The following CXADR variants were observed in gnomAD, a reference collection of about 807,000 sequenced individuals.
CXADR encodes coxsackievirus and adenovirus receptor.
CXADR carries 20 observed loss-of-function variants against 40.3 expected under a neutral mutation model. The ratio of observed to expected loss-of-function variants is 0.50; its 90% CI spans 0.35 to 0.72. The LOEUF (loss-of-function observed/expected upper bound fraction) is 0.72, where lower values mean the gene tolerates loss of function less well. Ranked by LOEUF, CXADR falls within the 30% of genes least tolerant of loss-of-function variation. CXADR has a pLI of 0.01. For synonymous variants in CXADR, 150 were observed against 161.3 expected, an observed-to-expected ratio of 0.93 and a Z score of 0.53; for missense variants, 332 against 449.1, an observed-to-expected ratio of 0.74 and a Z score of 2.36.
intron 1 of CXADR, among the ~76,000 whole-genome samples, chr21:17,513,401 G>C (rs2060417072): frequency 6.6e-6 from 1 of 152,056 alleles, no homozygotes; most frequent in Non-Finnish European, 1.5e-5. Context: ...CCCGGGGACG[G>C]AGCCCTCGGC....
chr21:17,620,586 ACAC>A, the CXADR span, among the ~76,000 whole-genome samples: 1 of 152,198 alleles, frequency 6.6e-6, no homozygotes, highest in East Asian at 1.9e-4. Flanking sequence ...TGATGCTTAA[ACAC>A]TTGCTTGACA....
the CXADR span, among the ~76,000 whole-genome samples, chr21:17,611,350 G>T: frequency 6.6e-6 from 1 of 152,242 alleles, no homozygotes; most frequent in East Asian, 1.9e-4. Context: ...TGCCAACTAT[G>T]TGCCACATAT....
chr21:17,620,670 A>G, the CXADR span, among the ~76,000 whole-genome samples: 1 of 152,226 alleles, frequency 6.6e-6, no homozygotes, highest in Admixed American at 6.5e-5. Flanking sequence ...GTGAAGGGCA[A>G]TAAAGCTAGA....
downstream of CXADR, among the ~76,000 whole-genome samples, chr21:17,574,998 C>CACATACAT (rs1555875111): frequency 3.2e-4 from 12 of 38,050 alleles, no homozygotes; most frequent in Non-Finnish European, 4.4e-4. Context: ...TATATACACA[C>CACATACAT]ACATACATAC....
the CXADR span, among the ~76,000 whole-genome samples, chr21:17,618,626 C>T: frequency 2.0e-5 from 3 of 152,082 alleles, no homozygotes; most frequent in Non-Finnish European, 2.9e-5. Context: ...CAACCTTTGC[C>T]TCCTGGTTAA....
At chr21:17,605,105 T>A in the CXADR span, 2 of 1,262,284 alleles carry the variant, frequency 1.6e-6, no homozygotes, top group African/African-American at 1.5e-5. Context: ...AATAAAAAAA[T>A]ACCCTGGTAG....
At chr21:17,577,411 C>A (rs1400182182) in intron 7 of CXADR, among the ~76,000 whole-genome samples, 1 of 151,912 alleles carries the variant, frequency 6.6e-6, no homozygotes, top group African/African-American at 2.4e-5. Flanking sequence ...ATTAAGTTGA[C>A]GTTCCATAAC....
chr21:17,535,282 A>T (rs763700485), intron 1 of CXADR, among the ~76,000 whole-genome samples: 15 of 152,106 alleles, frequency 9.9e-5, no homozygotes, highest in Non-Finnish European at 1.9e-4. Context: ...GTGCACTACC[A>T]CACCTGGCTC....
At chr21:17,516,689 G>A (rs1035136821) in intron 1 of CXADR, among the ~76,000 whole-genome samples, 1 of 152,182 alleles carries the variant, frequency 6.6e-6, no homozygotes, top group Non-Finnish European at 1.5e-5. Flanking sequence ...AGGTAATGGG[G>A]GTTGAAGGTG....
rs1440670892 is a variant in CXADR at position 17,568,975 on chromosome 21, C to T, written c.*3283C>T. The T allele has an allele frequency of 1.0e-6, 1 of 982,972 alleles. No homozygotes were observed. The highest frequency in any genetic ancestry group is 1.2e-6 in the Non-Finnish European group (1 of 827,966). 60.9% of individuals were successfully genotyped at this position (982,972 alleles called of 1,614,324 possible). ...TATAGATCATGGATATAAAGAGATA[C>T]CTGATTTTTATTAAAAAGATACTTT... On this transcript the variant is annotated 3_prime_UTR_variant, in exon 7 of 7. Transcript: ENST00000284878.
At chr21:17,565,173 G>A (rs916692505) in intron 6 of CXADR, among the ~76,000 whole-genome samples, 2 of 152,118 alleles carry the variant, frequency 1.3e-5, no homozygotes, top group African/African-American at 4.8e-5. Context: ...CTACATTTGT[G>A]TAAATACCAT....
At chr21:17,533,796 A>G (rs1290138130) in intron 1 of CXADR, among the ~76,000 whole-genome samples, 1 of 151,746 alleles carries the variant, frequency 6.6e-6, no homozygotes, top group Non-Finnish European at 1.5e-5. Flanking sequence ...GGAGCTGGGA[A>G]TTGATATTTG....
chr21:17,569,238 C>T lies in CXADR; in HGVS notation c.*3546C>T, dbSNP rs567497853. 2.0e-4 allele frequency: 195 copies of T among 985,178 alleles called. No individual in the cohort carries two copies. The highest frequency in any genetic ancestry group is 1.7e-3 in the African/African-American group (99 of 57,262). 61.0% of individuals were successfully genotyped at this position (985,178 alleles called of 1,614,324 possible). ...CAGCAGTGTTTAGGGCTTTCAGATG[C>T]CTTATTCCAGTGTGAACAGAAAAAG... is the stretch of plus-strand genomic sequence containing the variant. On this transcript the variant is annotated 3_prime_UTR_variant, in exon 7 of 7. Transcript: ENST00000284878.
At chr21:17,589,146 T>C (rs1327782357) in intron 7 of CXADR, among the ~76,000 whole-genome samples, 1 of 152,066 alleles carries the variant, frequency 6.6e-6, no homozygotes, top group African/African-American at 2.4e-5. Flanking sequence ...TCATGAATAT[T>C]ATCATATTAT....
intron 1 of CXADR, among the ~76,000 whole-genome samples, chr21:17,522,693 T>C (rs552673147): frequency 1.3e-5 from 2 of 152,354 alleles, no homozygotes; most frequent in African/African-American, 4.8e-5. Context: ...CTTTCTGCTC[T>C]TGAGCTATTC....
intron 5 of CXADR, 68 bp downstream of exon 5, chr21:17,560,892 C>T: frequency 6.3e-7 from 1 of 1,588,074 alleles, no homozygotes; most frequent in African/African-American, 1.3e-5. Flanking sequence ...TTAGTTCAGT[C>T]AGCAAGTGTG....
intron 1 of CXADR, among the ~76,000 whole-genome samples, 156 bp downstream of exon 1, chr21:17,513,328 C>T (rs986181789): frequency 1.3e-5 from 2 of 151,970 alleles, no homozygotes; most frequent in Admixed American, 6.5e-5. Flanking sequence ...CACAGGGGCG[C>T]TTTTGCTGGG....
chr21:17,529,134 G>A lies in CXADR; in HGVS notation c.43+15962G>A, dbSNP rs575761410. On this transcript the variant is annotated intron_variant, in intron 1 of 6. Transcript: ENST00000284878. ...GCTCACTGCAACCTCTGCCTCCCTGGTTCAAGCGATTCTCCTGCCTCAGCC... is the reference window on the plus strand; with the variant it reads ...GCTCACTGCAACCTCTGCCTCCCTGATTCAAGCGATTCTCCTGCCTCAGCC... Among the ~76,000 whole-genome samples, 700 of 150,562 alleles carry A rather than the reference G, an allele frequency of 4.6e-3. 1 individual carries two copies. The highest frequency in any genetic ancestry group is 7.0e-3 in the Non-Finnish European group (475 of 67,744).
intron 1 of CXADR, among the ~76,000 whole-genome samples, chr21:17,528,795 A>G (rs1054648890): frequency 3.3e-5 from 5 of 151,966 alleles, no homozygotes; most frequent in Non-Finnish European, 7.4e-5. Flanking sequence ...TCTGCATCAC[A>G]CCTTCTCCTT....
Sources: gnomAD v4.1 joint callset for allele counts (sites outside exome capture counted in the v4.1 genomes callset) on GRCh38, gnomAD v4.1.1 for gene constraint, MANE v1.5 for transcripts, NCBI Gene and HGNC (gene_info 2026-07-23, HGNC 2026-07-21) for gene names.